Variants in FMN1 observed in about 807,000 individuals in gnomAD.
FMN1 encodes formin 1.
In FMN1, 110 loss-of-function variants were observed where a neutral mutation model predicts 132.4. The ratio of observed to expected loss-of-function variants is 0.83; its 90% confidence interval spans 0.71 to 0.97. The LOEUF is 0.97. Among genes scored for constraint, FMN1 ranks in the 50% least tolerant of loss-of-function variants. The pLI is 0.00. For missense variants in FMN1, 1,792 were observed against 1,705.3 expected (o/e 1.05, Z -0.90); for synonymous variants, 722 against 651.7 (o/e 1.11, Z -1.64).
intron 9 of FMN1, among the ~76,000 whole-genome samples, chr15:32,957,915 T>C (rs116315665): frequency 2.1e-4 from 32 of 152,290 alleles, no homozygotes; most frequent in African/African-American, 7.7e-4. Flanking sequence ...CTCTGGTTCT[T>C]AATTTGGTTA....
intron 4 of FMN1, among the ~76,000 whole-genome samples, chr15:33,117,584 A>G (rs1436315886): frequency 6.6e-6 from 1 of 152,234 alleles, no homozygotes; most frequent in African/African-American, 2.4e-5. Context: ...AAACTTACGG[A>G]GTCCACTTCA....
intron 7 of FMN1, among the ~76,000 whole-genome samples, chr15:33,004,213 A>T (rs1238655306): frequency 6.6e-6 from 1 of 152,218 alleles, no homozygotes; most frequent in Non-Finnish European, 1.5e-5. Context: ...TAAACTAAAG[A>T]GCTTCTGCAA....
intron 4 of FMN1, among the ~76,000 whole-genome samples, chr15:33,121,581 T>G (rs778443777): frequency 4.6e-5 from 7 of 152,164 alleles, no homozygotes; most frequent in Non-Finnish European, 8.8e-5. Context: ...CAGGGTAGAG[T>G]GCAGTGGCGC....
At chr15:32,923,905 T>C (rs2060892855) in intron 10 of FMN1, among the ~76,000 whole-genome samples, 1 of 152,212 alleles carries the variant, frequency 6.6e-6, no homozygotes, top group African/African-American at 2.4e-5. Context: ...TTACACATCA[T>C]GGTGATGAAA....
intron 7 of FMN1, among the ~76,000 whole-genome samples, chr15:32,982,801 G>A (rs1596394772): frequency 6.6e-6 from 1 of 152,052 alleles, no homozygotes. Flanking sequence ...TGGGTCTTGA[G>A]TCTGCCAGGT....
intron 17 of FMN1, among the ~76,000 whole-genome samples, chr15:32,851,402 T>C (rs1183455611): frequency 2.0e-5 from 3 of 152,248 alleles, no homozygotes; most frequent in Admixed American, 2.0e-4. Context: ...ATCCCTGCCA[T>C]GTTTATGGGA....
chr15:33,146,649 A>T (rs1332315943), intron 4 of FMN1, among the ~76,000 whole-genome samples: 1 of 152,178 alleles, frequency 6.6e-6, no homozygotes, highest in Non-Finnish European at 1.5e-5. Context: ...AGGAACTCCA[A>T]GGGGATGGTA....
At chr15:33,076,309 G>C (rs1423786227) in intron 5 of FMN1, among the ~76,000 whole-genome samples, 1 of 152,158 alleles carries the variant, frequency 6.6e-6, no homozygotes, top group South Asian at 2.1e-4. Flanking sequence ...TGAAGACCTG[G>C]AATTTATTAG....
At chr15:33,059,482 T>C (rs958874140) in intron 6 of FMN1, among the ~76,000 whole-genome samples, 1 of 152,200 alleles carries the variant, frequency 6.6e-6, no homozygotes, top group Non-Finnish European at 1.5e-5. Context: ...TAATTTTCCA[T>C]AATGGCCGTA....
intron 9 of FMN1, among the ~76,000 whole-genome samples, chr15:32,940,635 C>G (rs1322036608): frequency 6.6e-6 from 1 of 152,136 alleles, no homozygotes; most frequent in Non-Finnish European, 1.5e-5. Context: ...CCACGTAACT[C>G]AAACACATTC....
chr15:32,802,161 T>C (rs990490827), intron 18 of FMN1, among the ~76,000 whole-genome samples: 1 of 152,244 alleles, frequency 6.6e-6, no homozygotes, highest in Non-Finnish European at 1.5e-5. Context: ...TTTATATAAC[T>C]TTTTCATTTC....
intron 2 of FMN1, among the ~76,000 whole-genome samples, chr15:33,180,744 C>CTTTTTTTT (rs35033683): frequency 9.2e-6 from 1 of 108,244 alleles, no homozygotes; most frequent in Non-Finnish European, 1.8e-5. Context: ...CTCCTGCTGC[C>CTTTTTTTT]TTTTTTTTTT....
In FMN1 at chr15:32,964,174, T is replaced by C; in HGVS notation, c.3071A>G (p.Lys1024Arg). Reference protein sequence around the residue: ...DPSEFEYLFSKDTTQQKKKPL... With the variant: ...DPSEFEYLFSRDTTQQKKKPL... ...TTTTTTCTTCTGTTGAGTTGTGTCT[T>C]TGGAGAATAAATACTCAAATTCACT... Residue 1024 changes from lysine (K) to arginine (R), a missense_variant, in exon 9 of 21, where the codon AAA becomes AGA. Coordinates refer to ENST00000616417, the MANE Select transcript of FMN1 (RefSeq NM_001277313.2). 1 of 1,613,528 alleles carries C rather than the reference T, an allele frequency of 6.2e-7. No individual in the cohort carries two copies. The highest frequency in any genetic ancestry group is 8.5e-7 in the Non-Finnish European group (1 of 1,179,532).
At chr15:33,031,720 G>A (rs371835653) in intron 6 of FMN1, among the ~76,000 whole-genome samples, 6 of 152,172 alleles carry the variant, frequency 3.9e-5, no homozygotes, top group Non-Finnish European at 8.8e-5. Context: ...TGGCTCTCAC[G>A]ACTGGCAAGC....
chr15:32,996,262 A>C (rs1386005181), intron 7 of FMN1, among the ~76,000 whole-genome samples: 1 of 152,234 alleles, frequency 6.6e-6, no homozygotes, highest in African/African-American at 2.4e-5. Flanking sequence ...CCACACATCT[A>C]GTAGACAGCA....
At position 32,771,299 on chromosome 15, in the gene FMN1, C is replaced by CA. The variant is rs2056233231; in HGVS notation, c.*3010dup. The CA allele has an allele frequency of 6.6e-6, 1 of 151,794 alleles. No individual in the cohort carries two copies. The highest frequency in any genetic ancestry group is 1.5e-5 in the Non-Finnish European group (1 of 68,076). 9.4% of individuals were successfully genotyped at this position (151,794 alleles called of 1,614,324 possible). A position where few individuals can be genotyped will look rare whatever the true frequency, so the allele number is the denominator to read the frequency against. On this transcript the variant is annotated 3_prime_UTR_variant, in exon 21 of 21. Transcript: ENST00000616417. Reference sequence around the variant, plus strand: ...TTCACCGTGTTAGCCAGGATGGTCTCAATCTCCTGACCTCGTGATCCGCCC... The same window carrying CA: ...TTCACCGTGTTAGCCAGGATGGTCTCAAATCTCCTGACCTCGTGATCCGCCC...
chr15:32,944,675 A>T (rs374325710), intron 9 of FMN1, among the ~76,000 whole-genome samples: 219 of 152,134 alleles, frequency 1.4e-3, no homozygotes, highest in African/African-American at 5.0e-3. Flanking sequence ...CCCCATCCTG[A>T]CGAGACAGAA....
At chr15:32,805,530 C>G (rs1394755780) in intron 17 of FMN1, among the ~76,000 whole-genome samples, 1 of 152,156 alleles carries the variant, frequency 6.6e-6, no homozygotes, top group Admixed American at 6.5e-5. Flanking sequence ...TCTATTTTGG[C>G]TTTTGTTGCC....
At chr15:33,173,458 A>G (rs1965401888) in intron 3 of FMN1, among the ~76,000 whole-genome samples, 1 of 152,250 alleles carries the variant, frequency 6.6e-6, no homozygotes. Flanking sequence ...AGAAGGGACC[A>G]TTCTCCCCCA....
Sources: gnomAD v4.1 joint callset for allele counts (sites outside exome capture counted in the v4.1 genomes callset) on GRCh38, gnomAD v4.1.1 for gene constraint, MANE v1.5 for transcripts, NCBI Gene and HGNC (gene_info 2026-07-23, HGNC 2026-07-21) for gene names.